The following PALM2AKAP2 variants were observed in gnomAD, a reference collection of about 807,000 sequenced individuals.
PALM2AKAP2 encodes PALM2 and AKAP2 fusion, also known as PALM2-AKAP2 fusion protein.
A neutral mutation model predicts 71.5 loss-of-function variants in PALM2AKAP2; 37 were observed. The observed-to-expected ratio is 0.52, with a 90% confidence interval of 0.40 to 0.68. The LOEUF (loss-of-function observed/expected upper bound fraction) is 0.68. PALM2AKAP2 is among the 30% of genes least tolerant of loss of function. PALM2AKAP2 has a pLI of 0.00. For synonymous variants in PALM2AKAP2, 468 were observed against 478.8 expected (o/e 0.98, Z 0.29); for missense variants, 1,224 against 1,191.8 (o/e 1.03, Z -0.40).
intron 7 of PALM2AKAP2, among the ~76,000 whole-genome samples, chr9:110,019,238 CAAAAA>C (rs769230271): frequency 1.9e-4 from 9 of 47,960 alleles, no homozygotes; most frequent in African/African-American, 5.6e-4. Context: ...GACTCTGTCT[CAAAAA>C]AAAAAAAAAA....
chr9:109,725,839 C>A (rs1448526480), intron 1 of PALM2AKAP2, among the ~76,000 whole-genome samples: 1 of 152,146 alleles, frequency 6.6e-6, no homozygotes. Context: ...GAAAAAGTAG[C>A]AAAATGGAAT....
rs112599038 is a variant in PALM2AKAP2 at position 110,024,929 on chromosome 9, C to T, written c.582+8890C>T. ...TAGGTTCCAGCAGTTCAGGCTCCTT[C>T]CCATTGGTTCTCACAAAGTGTGCTT... On this transcript the variant is annotated intron_variant, in intron 7 of 9. Coordinates refer to the PALM2AKAP2 transcript ENST00000302798. The T allele has an allele frequency of 3.1e-3, 4,305 of 1,369,702 alleles. 107 individuals are homozygous for T. The African/African-American group carries it at 0.052, about 17-fold the overall frequency. The allele number at this position is 1,369,702 out of a possible 1,614,324, so 84.8% of individuals were successfully genotyped here. A position where few individuals can be genotyped will look rare whatever the true frequency, so the allele number is the denominator to read the frequency against.
chr9:109,965,691 C>T (rs1430474826), intron 6 of PALM2AKAP2, among the ~76,000 whole-genome samples: 3 of 152,046 alleles, frequency 2.0e-5, no homozygotes, highest in Non-Finnish European at 4.4e-5. Flanking sequence ...GTACTTAATG[C>T]TATCGAACTG....
At chr9:109,844,998 G>A (rs1430902488) in intron 1 of PALM2AKAP2, among the ~76,000 whole-genome samples, 4 of 151,522 alleles carry the variant, frequency 2.6e-5, no homozygotes, top group Non-Finnish European at 4.4e-5. Context: ...CGCTCTGGTA[G>A]GGGGGTTTCA....
At chr9:109,853,048 A>G (rs372949940) in intron 1 of PALM2AKAP2, among the ~76,000 whole-genome samples, 2 of 152,128 alleles carry the variant, frequency 1.3e-5, no homozygotes, top group African/African-American at 4.8e-5. Context: ...CCCAGTTGCC[A>G]GACGGACAGC....
At chr9:109,871,507 A>C (rs546166640) in intron 2 of PALM2AKAP2, among the ~76,000 whole-genome samples, 9 of 152,296 alleles carry the variant, frequency 5.9e-5, no homozygotes, top group African/African-American at 2.2e-4. Flanking sequence ...ATGTATAATC[A>C]TTGCAAAAAC....
chr9:109,967,558 C>T (rs1013097309), intron 6 of PALM2AKAP2, among the ~76,000 whole-genome samples: 9 of 152,058 alleles, frequency 5.9e-5, no homozygotes, highest in Admixed American at 6.6e-5. Context: ...TACAGGCAGG[C>T]GCCACCACAC....
intron 3 of PALM2AKAP2, among the ~76,000 whole-genome samples, chr9:109,901,953 G>A (rs756640679): frequency 1.1e-4 from 16 of 152,238 alleles, no homozygotes; most frequent in Non-Finnish European, 2.1e-4. Flanking sequence ...AAGCATTGCT[G>A]CATCCGCTGT....
At chr9:109,895,896 G>C (rs558215866) in intron 3 of PALM2AKAP2, among the ~76,000 whole-genome samples, 2 of 152,230 alleles carry the variant, frequency 1.3e-5, no homozygotes, top group East Asian at 1.9e-4. Flanking sequence ...CTGAGCATAA[G>C]GGGGGAAAAT....
chr9:109,914,404 G>A (rs1020010374), intron 3 of PALM2AKAP2, among the ~76,000 whole-genome samples: 1 of 152,240 alleles, frequency 6.6e-6, no homozygotes, highest in African/African-American at 2.4e-5. Context: ...ACTCTGTGTG[G>A]CCATATGCCC....
intron 1 of PALM2AKAP2, among the ~76,000 whole-genome samples, chr9:109,648,667 G>A (rs557251842): frequency 4.6e-5 from 7 of 152,290 alleles, no homozygotes; most frequent in Admixed American, 2.6e-4. Flanking sequence ...ACAGAAGAAG[G>A]AAGAGCAGTT....
chr9:110,093,853 C>T (rs2118813088), intron 1 of PALM2AKAP2, among the ~76,000 whole-genome samples: 1 of 152,324 alleles, frequency 6.6e-6, no homozygotes, highest in Non-Finnish European at 1.5e-5. Context: ...CTCTGAGAAG[C>T]ATTCTTTGAT....
chr9:109,712,015 G>A, intron 1 of PALM2AKAP2, among the ~76,000 whole-genome samples: 1 of 151,982 alleles, frequency 6.6e-6, no homozygotes, highest in East Asian at 1.9e-4. Context: ...GTGTGTGTGT[G>A]TGTGTGAGCA....
intron 3 of PALM2AKAP2, among the ~76,000 whole-genome samples, chr9:109,896,488 G>T (rs1354970147): frequency 1.3e-5 from 2 of 152,136 alleles, no homozygotes; most frequent in Non-Finnish European, 2.9e-5. Flanking sequence ...CGTCCTGTGT[G>T]CAGTGGAGTC....
intron 7 of PALM2AKAP2, among the ~76,000 whole-genome samples, chr9:110,041,014 A>G (rs184878035): frequency 2.6e-4 from 40 of 152,342 alleles, no homozygotes; most frequent in African/African-American, 9.4e-4. Flanking sequence ...TAAATGAGAT[A>G]AAAGTCTCAG....
intron 1 of PALM2AKAP2, among the ~76,000 whole-genome samples, chr9:109,742,728 A>T: frequency 6.6e-6 from 1 of 152,186 alleles, no homozygotes; most frequent in Non-Finnish European, 1.5e-5. Flanking sequence ...CTTAGCTGCT[A>T]TTTTTGTTTT....
chr9:109,905,976 CAAAT>C (rs1830437213), intron 3 of PALM2AKAP2, among the ~76,000 whole-genome samples: 2 of 151,964 alleles, frequency 1.3e-5, no homozygotes, highest in South Asian at 4.2e-4. Flanking sequence ...AATAAATAAA[CAAAT>C]AAACTTTTTT....
chr9:109,711,169 A>C (rs984389121), intron 1 of PALM2AKAP2, among the ~76,000 whole-genome samples: 1 of 152,012 alleles, frequency 6.6e-6, no homozygotes, highest in Admixed American at 6.6e-5. Flanking sequence ...AATTTAAAAA[A>C]AAAATGGAAA....
intron 6 of PALM2AKAP2, among the ~76,000 whole-genome samples, chr9:110,005,749 C>T (rs560456470): frequency 6.6e-6 from 1 of 152,356 alleles, no homozygotes; most frequent in East Asian, 1.9e-4. Flanking sequence ...CCCAGCCTCG[C>T]TGCCGCCTTG....
Sources: allele counts gnomAD v4.1 joint callset (sites outside exome capture counted in the v4.1 genomes callset), GRCh38; gene constraint gnomAD v4.1.1; transcripts MANE v1.5; gene names NCBI Gene and HGNC (gene_info 2026-07-23, HGNC 2026-07-21).